The following ARID4A variants were observed in gnomAD, a reference collection of about 807,000 sequenced individuals.
ARID4A encodes the protein AT-rich interactive domain-containing protein 4A.
In ARID4A, 39 loss-of-function variants were observed where a neutral mutation model predicts 148.6. That is an observed-to-expected ratio of 0.26 (90% CI 0.20 to 0.34). The LOEUF is 0.34. ARID4A is among the 10% of genes least tolerant of loss of function. The pLI is 1.00. For missense variants in ARID4A, 1,265 were observed against 1,449.1 expected (o/e 0.87, Z 2.06); for synonymous variants, 475 against 481.2 (o/e 0.99, Z 0.17).
intron 17 of ARID4A, among the ~76,000 whole-genome samples, chr14:58,358,137 G>A (rs998058751): frequency 1.8e-4 from 28 of 152,180 alleles, no homozygotes; most frequent in South Asian, 6.2e-4. Flanking sequence ...AGGAGATCAT[G>A]CCTCTGCACT....
chr14:58,323,944 G>A (rs1398451330), intron 8 of ARID4A, among the ~76,000 whole-genome samples: 23 of 117,344 alleles, frequency 2.0e-4, no homozygotes, highest in South Asian at 1.4e-3. Context: ...TCGCTCTGTC[G>A]CCCAGGTTGG....
rs551668922 is a variant in ARID4A at position 58,307,558 on chromosome 14, AC to A, written c.274+1448del. 1.1e-3 allele frequency among the ~76,000 whole-genome samples: 172 copies of A among 152,302 alleles called. 2 individuals are homozygous for A. Among genetic ancestry groups the A allele is most frequent in the African/African-American group, 4.1e-3 (170 of 41,562 alleles). On this transcript the variant is annotated intron_variant, in intron 5 of 23. Transcript: ENST00000355431. Reference sequence around the variant, plus strand: ...TAAGTGGCCAGATGCAGTGGCTCTAACCTGTAATCCCAGCACTTTAGGGGGG... The same window carrying A: ...TAAGTGGCCAGATGCAGTGGCTCTAACTGTAATCCCAGCACTTTAGGGGGG...
chr14:58,345,599 G>A (rs1357879695), intron 12 of ARID4A, among the ~76,000 whole-genome samples: 2 of 151,912 alleles, frequency 1.3e-5, no homozygotes, highest in African/African-American at 4.8e-5. Context: ...AACATTCTGT[G>A]TGGCCTTCAG....
At chr14:58,303,404 G>A (rs1451520248) in intron 3 of ARID4A, 15 of 391,714 alleles carry the variant, frequency 3.8e-5, no homozygotes, top group South Asian at 2.4e-4. Context: ...TCCTTGATAC[G>A]ACTCCAAAGA....
rs2032655591 is a variant in ARID4A, at chr14:58,318,924, T to C, written c.449+119T>C. ...CTTTCCATAGCATATTGTATCCTTA[T>C]GTTAGACATTTTACCCTGAGTGGAC... On this transcript the variant is annotated intron_variant, in intron 7 of 23. Transcript: ENST00000355431. 3 of 759,304 alleles carry C rather than the reference T, an allele frequency of 4.0e-6. No homozygotes were observed. The African/African-American group carries it at 5.3e-5, about 13-fold the overall frequency. 47.0% of individuals were successfully genotyped at this position (759,304 alleles called of 1,614,324 possible).
chr14:58,360,965 G>A lies in ARID4A; in HGVS notation c.2003G>A (p.Arg668Gln), dbSNP rs866189017. The change falls in exon 19 of 24, where the codon CGA (arginine) becomes CAA (glutamine). Residue 668 changes from arginine to glutamine, a missense_variant. Coordinates refer to ENST00000355431, the MANE Select transcript of ARID4A (RefSeq NM_002892.4). ...GAGAGGCAGAAGTCAAAACGGGGAC[G>A]ACCTCCTTTAAAATCAACCCTCTCA... ...DEERQKSKRG[R>Q]PPLKSTLSSN... is the part of the protein sequence containing the mutation. The A allele has an allele frequency of 2.5e-6, 4 of 1,614,064 alleles. No homozygotes were observed. The highest frequency in any genetic ancestry group is 1.1e-5 in the South Asian group (1 of 91,068).
Position 58,353,998 on chromosome 14 carries a change from A to AT in ARID4A, c.1853+145dup, listed in dbSNP as rs2034756093. On this transcript the variant is annotated intron_variant, in intron 17 of 23. Coordinates refer to ENST00000355431, the MANE Select transcript of ARID4A (RefSeq NM_002892.4). The stretch of plus-strand genomic sequence containing the variant: ...GTTCTGAATTTTCCAAGACTTTGAC[A>AT]TTCCTGCTGTTATACTAGCAGTGTC... 4.1e-6 allele frequency: 3 copies of AT among 726,552 alleles called. No individual in the cohort carries two copies. The South Asian group carries it at 5.7e-5, about 14-fold the overall frequency. The allele number at this position is 726,552 out of a possible 1,614,324, so 45.0% of individuals were successfully genotyped here.
chr14:58,334,713 G>A (rs954656358), intron 11 of ARID4A, among the ~76,000 whole-genome samples: 2 of 152,076 alleles, frequency 1.3e-5, no homozygotes, highest in African/African-American at 4.8e-5. Flanking sequence ...CTCCCTATAA[G>A]ATGAGTCTCT....
intron 14 of ARID4A, 98 bp from the exon 15 acceptor site, chr14:58,347,549 A>G (rs2034432076): frequency 1.0e-6 from 1 of 978,968 alleles, no homozygotes; most frequent in South Asian, 2.4e-5. Context: ...ATTTTTTTAA[A>G]TTACTGGGCT....
At chr14:58,299,760 C>G (rs1566659876) in intron 1 of ARID4A, 38 bp from the exon 2 acceptor site, 1 of 1,564,182 alleles carries the variant, frequency 6.4e-7, no homozygotes, top group Non-Finnish European at 8.8e-7. Context: ...CCGCAGTTGA[C>G]TGATTATGTC....
intron 7 of ARID4A, among the ~76,000 whole-genome samples, chr14:58,319,991 A>G (rs967711484): frequency 7.5e-6 from 1 of 133,268 alleles, no homozygotes; most frequent in African/African-American, 2.8e-5. Flanking sequence ...CTCTGTCGCC[A>G]GGCTGGAGTG....
At chr14:58,310,247 C>A (rs963061962) in intron 5 of ARID4A, among the ~76,000 whole-genome samples, 2 of 148,442 alleles carry the variant, frequency 1.3e-5, no homozygotes, top group Admixed American at 1.3e-4. Flanking sequence ...TTTGTTTTTA[C>A]CTTAGCTGCT....
intron 7 of ARID4A, among the ~76,000 whole-genome samples, chr14:58,319,521 C>CTTTTTTTTTTTATTTTTTTTTTTTT (rs2032708520): frequency 1.6e-5 from 1 of 62,044 alleles, no homozygotes; most frequent in Non-Finnish European, 2.9e-5. Context: ...TCTATATACT[C>CTTTTTTTTTTTATTTTTTTTTTTTT]TTTTTTTTTT....
chr14:58,305,975 GTTTA>G (rs774835788), intron 4 of ARID4A, 43 bp from the exon 5 acceptor site: 7 of 1,393,836 alleles, frequency 5.0e-6, no homozygotes, highest in Non-Finnish European at 6.1e-6. Flanking sequence ...GAGTGATTTG[GTTTA>G]TTTGTTTAAA....
Position 58,364,539 on chromosome 14 carries a change from C to G in ARID4A, c.2450C>G (p.Ala817Gly), listed in dbSNP as rs766044784. 10 of 1,611,378 alleles carry G rather than the reference C, an allele frequency of 6.2e-6. No individual in the cohort carries two copies. In the South Asian group the frequency reaches 6.7e-5, roughly 11 times the overall value. The change falls in exon 20 of 24, where the codon GCA becomes GGA. Residue 817 changes from alanine (A) to glycine (G), a missense_variant. Coordinates refer to ENST00000355431, the MANE Select transcript of ARID4A (RefSeq NM_002892.4). ...IKISSFGQNEAGSEPHIEAHS... is the reference protein window; with the variant it reads ...IKISSFGQNEGGSEPHIEAHS... ...ATTTCATCATTTGGCCAGAATGAAG[C>G]AGGAAGTGAACCTCATATAGAAGCT...
At chr14:58,371,753 A>G (rs934535361) in intron 23 of ARID4A, 133 bp from the exon 24 acceptor site, 88 of 717,980 alleles carry the variant, frequency 1.2e-4, no homozygotes, top group Non-Finnish European at 1.9e-4. Context: ...ACAATTTGTT[A>G]CTCCTTCATG....
chr14:58,320,036 C>T (rs1484780282), intron 7 of ARID4A, among the ~76,000 whole-genome samples: 1 of 150,764 alleles, frequency 6.6e-6, no homozygotes, highest in African/African-American at 2.4e-5. Context: ...CAGCCTCTGC[C>T]TCCCAGGTTC....
intron 15 of ARID4A, among the ~76,000 whole-genome samples, chr14:58,348,603 AG>A: frequency 6.6e-6 from 1 of 152,218 alleles, no homozygotes; most frequent in Non-Finnish European, 1.5e-5. Flanking sequence ...ATCAGTGTCC[AG>A]TGATGTTACA....
intron 11 of ARID4A, among the ~76,000 whole-genome samples, chr14:58,335,130 G>A (rs2033744475): frequency 6.6e-6 from 1 of 152,054 alleles, no homozygotes; most frequent in Admixed American, 6.6e-5. Context: ...CTATTTGACT[G>A]TTGAGTAGTA....
Sources: allele counts gnomAD v4.1 joint callset (sites outside exome capture counted in the v4.1 genomes callset), GRCh38; gene constraint gnomAD v4.1.1; transcripts MANE v1.5; gene names NCBI Gene and HGNC (gene_info 2026-07-23, HGNC 2026-07-21).